Variants in EBF1 observed in about 807,000 individuals in gnomAD.
EBF1 encodes the protein EBF transcription factor 1, also known as transcription factor COE1.
Under a neutral mutation model 68.4 loss-of-function variants are expected in EBF1, and 10 were observed. The observed-to-expected ratio is 0.15, with a 90% CI of 0.09 to 0.25. The LOEUF (loss-of-function observed/expected upper bound fraction) is 0.25, where lower values mean the gene tolerates loss of function less well. EBF1 is among the 10% of genes least tolerant of loss of function. The pLI is 1.00. For synonymous variants in EBF1, 298 were observed against 299.8 expected, an observed-to-expected ratio of 0.99 and a Z score of 0.06; for missense variants, 509 against 794.4, an observed-to-expected ratio of 0.64 and a Z score of 4.32.
intron 8 of EBF1, among the ~76,000 whole-genome samples, chr5:158,817,759 C>T (rs1327199802): frequency 1.3e-5 from 2 of 152,170 alleles, no homozygotes; most frequent in Non-Finnish European, 2.9e-5. Flanking sequence ...TCTAATTTTG[C>T]TTAGTACCTC....
intron 6 of EBF1, among the ~76,000 whole-genome samples, chr5:159,061,342 A>G (rs558700017): frequency 1.3e-5 from 2 of 152,214 alleles, no homozygotes; most frequent in East Asian, 3.9e-4. Flanking sequence ...TAAAGAAAAT[A>G]ATCCCTGCCA....
At chr5:158,925,890 A>G (rs1412653602) in intron 6 of EBF1, among the ~76,000 whole-genome samples, 1 of 152,214 alleles carries the variant, frequency 6.6e-6, no homozygotes, top group African/African-American at 2.4e-5. Context: ...TCAGTGTGCT[A>G]ATACATAAGA....
chr5:158,826,852 C>T (rs1049466459), intron 7 of EBF1, among the ~76,000 whole-genome samples: 3 of 152,166 alleles, frequency 2.0e-5, no homozygotes, highest in African/African-American at 4.8e-5. Context: ...TCAGAATCTC[C>T]TCTGTTATAT....
chr5:158,800,197 T>G (rs1011391000), intron 8 of EBF1, among the ~76,000 whole-genome samples: 5 of 152,166 alleles, frequency 3.3e-5, no homozygotes, highest in African/African-American at 1.2e-4. Flanking sequence ...TGGAAAGATT[T>G]CAAAATAGGT....
At chr5:158,855,964 G>A (rs1793922264) in intron 6 of EBF1, among the ~76,000 whole-genome samples, 1 of 152,182 alleles carries the variant, frequency 6.6e-6, no homozygotes. Context: ...TCTTAAGCAT[G>A]GCAGGAAGAG....
At chr5:158,814,254 G>A (rs948746418) in intron 8 of EBF1, among the ~76,000 whole-genome samples, 1 of 152,070 alleles carries the variant, frequency 6.6e-6, no homozygotes, top group African/African-American at 2.4e-5. Context: ...GAGGTGAGAG[G>A]ATAGCTTGAG....
chr5:158,960,319 CTAATT>C (rs1475715275), intron 6 of EBF1, among the ~76,000 whole-genome samples: 2 of 152,004 alleles, frequency 1.3e-5, no homozygotes, highest in African/African-American at 4.8e-5. Flanking sequence ...ATTGCTGTAT[CTAATT>C]TATTTCTAAA....
rs747770891 is a variant in EBF1, at chr5:159,096,356, A to G, written c.342T>C (p.Leu114=). 1.2e-5 allele frequency: 20 copies of G among 1,613,420 alleles called. No homozygotes were observed. In the African/African-American group the frequency reaches 2.7e-4, roughly 22 times the overall value. ...CCCGGGCCTCACCATTGCTGTAGAGAAGCTGAAGCCGGTAGTGAATTCCGT... is the reference window on the plus strand; with the variant it reads ...CCCGGGCCTCACCATTGCTGTAGAGGAGCTGAAGCCGGTAGTGAATTCCGT... ...TNNGIHYRLQ[L]LYSNGIRTEQ... The change falls in exon 3 of 16, where the codon CTT becomes CTC. Residue 114 remains leucine (L), a synonymous_variant. Transcript: ENST00000313708.
chr5:158,712,438 AC>A, intron 13 of EBF1, 105 bp from the exon 14 acceptor site: 1 of 1,300,546 alleles, frequency 7.7e-7, no homozygotes. Context: ...CGTCGCCGCA[AC>A]CCAGAGGGAA....
At chr5:158,747,090 A>G (rs1342282000) in intron 10 of EBF1, among the ~76,000 whole-genome samples, 1 of 152,172 alleles carries the variant, frequency 6.6e-6, no homozygotes, top group African/African-American at 2.4e-5. Flanking sequence ...TCAGAACTTT[A>G]TTACTGCAAA....
intron 6 of EBF1, among the ~76,000 whole-genome samples, chr5:158,907,848 C>T (rs1804996313): frequency 6.6e-6 from 1 of 151,910 alleles, no homozygotes; most frequent in African/African-American, 2.4e-5. Flanking sequence ...GTTCTCAGCG[C>T]ATTTATCAAG....
intron 6 of EBF1, among the ~76,000 whole-genome samples, chr5:159,048,871 G>A (rs1772976197): frequency 6.6e-6 from 1 of 152,184 alleles, no homozygotes; most frequent in East Asian, 1.9e-4. Context: ...CAGTTCTGTT[G>A]TTCTCTGAGG....
chr5:158,707,457 T>A (rs1758108700), intron 15 of EBF1: 1 of 223,422 alleles, frequency 4.5e-6, no homozygotes, highest in African/African-American at 2.2e-5. Flanking sequence ...TGGTCTATGA[T>A]GATCTAACTT....
intron 6 of EBF1, among the ~76,000 whole-genome samples, chr5:158,887,958 A>C (rs764813177): frequency 1.3e-5 from 2 of 152,190 alleles, no homozygotes; most frequent in Non-Finnish European, 2.9e-5. Context: ...GAATTGCAAA[A>C]TTCAAATGAT....
At chr5:158,733,519 A>G (rs1384180628) in intron 10 of EBF1, among the ~76,000 whole-genome samples, 2 of 152,212 alleles carry the variant, frequency 1.3e-5, no homozygotes, top group Non-Finnish European at 2.9e-5. Context: ...AAAAGAACCA[A>G]TTCAAATATC....
intron 1 of EBF1, among the ~76,000 whole-genome samples, chr5:159,098,046 G>A (rs550771341): frequency 6.6e-6 from 1 of 152,328 alleles, no homozygotes; most frequent in African/African-American, 2.4e-5. Flanking sequence ...ATACTCAGTG[G>A]GGATGGGAAC....
intron 15 of EBF1, among the ~76,000 whole-genome samples, chr5:158,703,941 C>T (rs1757302327): frequency 6.6e-6 from 1 of 152,198 alleles, no homozygotes; most frequent in African/African-American, 2.4e-5. Context: ...TCATGTCTCC[C>T]CTAATACAGG....
intron 10 of EBF1, among the ~76,000 whole-genome samples, chr5:158,762,388 A>G (rs1247245282): frequency 6.6e-6 from 1 of 152,344 alleles, no homozygotes; most frequent in South Asian, 2.1e-4. Context: ...GCATCAATGG[A>G]CAACTGGCCC....
At chr5:158,890,370 C>T (rs1454520422) in intron 6 of EBF1, among the ~76,000 whole-genome samples, 1 of 152,196 alleles carries the variant, frequency 6.6e-6, no homozygotes, top group Non-Finnish European at 1.5e-5. Context: ...CCCTTATCCT[C>T]ATATATTTAA....
Sources: allele counts gnomAD v4.1 joint callset (sites outside exome capture counted in the v4.1 genomes callset), GRCh38; gene constraint gnomAD v4.1.1; transcripts MANE v1.5; gene names NCBI Gene and HGNC (gene_info 2026-07-23, HGNC 2026-07-21).